The following CASD1 variants were observed in gnomAD, a reference collection of about 807,000 sequenced individuals.
CASD1 encodes the protein N-acetylneuraminate (7)9-O-acetyltransferase.
Under a neutral mutation model 100.0 loss-of-function variants are expected in CASD1, and 41 were observed. That is an observed-to-expected ratio of 0.41 (90% CI 0.32 to 0.53). The LOEUF (loss-of-function observed/expected upper bound fraction) is 0.53. Ranked by LOEUF, CASD1 falls within the 20% of genes least tolerant of loss-of-function variation. CASD1 has a pLI of 0.25. For missense variants in CASD1, 774 were observed against 948.7 expected, an observed-to-expected ratio of 0.82 and a Z score of 2.42; for synonymous variants, 321 against 315.6, an observed-to-expected ratio of 1.02 and a Z score of -0.18.
chr7:94,623,853 CCAAT>C, the CASD1 span: 2 of 355,956 alleles, frequency 5.6e-6, no homozygotes, highest in Non-Finnish European at 1.0e-5. Flanking sequence ...AAACTGCACC[CCAAT>C]CAGTCAAAAA....
chr7:94,623,315 T>C, the CASD1 span: 1 of 1,522,230 alleles, frequency 6.6e-7, no homozygotes. Flanking sequence ...CAACATATTT[T>C]CATACCTACC....
chr7:94,551,278 A>G (rs1795932840), intron 14 of CASD1, 60 bp from the exon 15 acceptor site: 4 of 1,375,456 alleles, frequency 2.9e-6, no homozygotes, highest in Non-Finnish European at 3.9e-6. Context: ...CTAACCAAAT[A>G]TTTTTCCTGT....
At chr7:94,569,314 A>G in the CASD1 span, among the ~76,000 whole-genome samples, 414 of 152,358 alleles carry the variant, frequency 2.7e-3, no homozygotes, top group African/African-American at 9.5e-3. Context: ...AACATCATCA[A>G]TAAAGGAATA....
At chr7:94,512,934 C>T (rs1454015134) in intron 1 of CASD1, among the ~76,000 whole-genome samples, 1 of 152,190 alleles carries the variant, frequency 6.6e-6, no homozygotes, top group African/African-American at 2.4e-5. Context: ...TAGTCTGTCT[C>T]ATGCCTTATG....
chr7:94,627,038 A>C, the CASD1 span: 1 of 152,050 alleles, frequency 6.6e-6, no homozygotes, highest in Non-Finnish European at 1.5e-5. Context: ...AAAAAAATTA[A>C]TTTGACAATA....
chr7:94,554,274 C>A, intron 16 of CASD1: 1 of 419,670 alleles, frequency 2.4e-6, no homozygotes, highest in Admixed American at 3.7e-5. Context: ...CATTGGTATG[C>A]AGCATACCGA....
At chr7:94,564,645 A>G in the CASD1 span, among the ~76,000 whole-genome samples, 1 of 152,178 alleles carries the variant, frequency 6.6e-6, no homozygotes. Context: ...GGATGGATCC[A>G]TGGACATAGT....
chr7:94,520,767 C>T, intron 3 of CASD1, among the ~76,000 whole-genome samples: 1 of 152,060 alleles, frequency 6.6e-6, no homozygotes, highest in East Asian at 1.9e-4. Flanking sequence ...ACCATCCTGG[C>T]CAACATGGTG....
At chr7:94,579,412 C>T in the CASD1 span, among the ~76,000 whole-genome samples, 18 of 152,176 alleles carry the variant, frequency 1.2e-4, no homozygotes, top group South Asian at 2.1e-3. Context: ...AAATGTACTG[C>T]ACCCTATTAA....
intron 3 of CASD1, among the ~76,000 whole-genome samples, chr7:94,525,902 G>A (rs77678867): frequency 0.015 from 2,218 of 152,234 alleles, 49 homozygotes; most frequent in African/African-American, 0.051. Flanking sequence ...TTTGATTTTA[G>A]CAACAGAATT....
At chr7:94,555,386 A>G in intron 17 of CASD1, 106 bp from the exon 18 acceptor site, 1 of 1,128,860 alleles carries the variant, frequency 8.9e-7, no homozygotes, top group Non-Finnish European at 1.2e-6. Context: ...TGGTTTTAGG[A>G]AAGCCTTCTA....
intron 1 of CASD1, among the ~76,000 whole-genome samples, chr7:94,514,903 G>A (rs1267477065): frequency 6.6e-6 from 1 of 151,846 alleles, no homozygotes; most frequent in Non-Finnish European, 1.5e-5. Flanking sequence ...GTTTTGTTTT[G>A]TTTTGTTAGG....
chr7:94,553,904 C>T (rs1057221934), intron 16 of CASD1: 4 of 151,920 alleles, frequency 2.6e-5, no homozygotes, highest in Admixed American at 6.6e-5. Context: ...AGGCCAGGAT[C>T]CCAAAAGCTG....
the CASD1 span, among the ~76,000 whole-genome samples, chr7:94,592,405 C>G: frequency 6.6e-6 from 1 of 152,170 alleles, no homozygotes; most frequent in African/African-American, 2.4e-5. Flanking sequence ...AATAGAGGCC[C>G]TATAATCCTT....
At chr7:94,580,903 G>T in the CASD1 span, among the ~76,000 whole-genome samples, 1 of 152,140 alleles carries the variant, frequency 6.6e-6, no homozygotes, top group Admixed American at 6.6e-5. Context: ...GATACCAATT[G>T]CATCATTGTC....
chr7:94,573,326 C>T, the CASD1 span, among the ~76,000 whole-genome samples: 1 of 152,220 alleles, frequency 6.6e-6, no homozygotes, highest in Non-Finnish European at 1.5e-5. Flanking sequence ...GCAGTATGCC[C>T]ATTTTAATAA....
the CASD1 span, among the ~76,000 whole-genome samples, chr7:94,630,881 A>C: frequency 6.6e-6 from 1 of 151,962 alleles, no homozygotes; most frequent in Admixed American, 6.6e-5. Context: ...AAAGCCTTGG[A>C]TAGCAAGATC....
chr7:94,534,672 TTG>T (rs199572650), intron 7 of CASD1, among the ~76,000 whole-genome samples: 1,760 of 152,240 alleles, frequency 0.012, 35 homozygotes, highest in African/African-American at 0.04. Flanking sequence ...AATTCATGTT[TTG>T]TGTCAGGAAT....
the CASD1 span, among the ~76,000 whole-genome samples, chr7:94,567,009 A>G: frequency 5.9e-5 from 9 of 152,196 alleles, no homozygotes; most frequent in East Asian, 1.4e-3. Flanking sequence ...TGTACTCTCA[A>G]TCATCCAAAC....
Sources: gnomAD v4.1 joint callset for allele counts (sites outside exome capture counted in the v4.1 genomes callset) on GRCh38, gnomAD v4.1.1 for gene constraint, MANE v1.5 for transcripts, NCBI Gene and HGNC (gene_info 2026-07-23, HGNC 2026-07-21) for gene names.